The following LRP12 variants were observed in gnomAD, a reference collection of about 807,000 sequenced individuals.
The protein encoded by LRP12 is low-density lipoprotein receptor-related protein 12.
A neutral mutation model predicts 66.0 loss-of-function variants in LRP12; 14 were observed. That is an observed-to-expected ratio of 0.21 (90% CI 0.14 to 0.33). The LOEUF (loss-of-function observed/expected upper bound fraction) is 0.33. Ranked by LOEUF, LRP12 falls within the 10% of genes least tolerant of loss-of-function variation. The pLI is 1.00. For synonymous variants in LRP12, 357 were observed against 359.1 expected (o/e 0.99, Z 0.07); for missense variants, 889 against 1,053.4 (o/e 0.84, Z 2.16).
At chr8:104,515,815 G>A (rs995227528) in intron 2 of LRP12, among the ~76,000 whole-genome samples, 4 of 152,182 alleles carry the variant, frequency 2.6e-5, no homozygotes, top group Non-Finnish European at 5.9e-5. Context: ...GTATGTAGTT[G>A]TAAGTGATCT....
At chr8:104,546,070 T>C (rs1391635001) in intron 1 of LRP12, among the ~76,000 whole-genome samples, 1 of 152,150 alleles carries the variant, frequency 6.6e-6, no homozygotes, top group Non-Finnish European at 1.5e-5. Context: ...TTTTCTTTCT[T>C]GTTTCCCAGT....
chr8:104,514,545 T>TAAA (rs565370904), intron 2 of LRP12, among the ~76,000 whole-genome samples: 19 of 128,730 alleles, frequency 1.5e-4, no homozygotes, highest in African/African-American at 4.3e-4. Context: ...CGTCTCTACT[T>TAAA]AAAAAAAAAA....
intron 5 of LRP12, among the ~76,000 whole-genome samples, chr8:104,496,370 G>A (rs1302757715): frequency 6.6e-6 from 1 of 152,114 alleles, no homozygotes; most frequent in Non-Finnish European, 1.5e-5. Context: ...CTAGGTTATT[G>A]CTTTAACAAC....
At chr8:104,510,716 A>G (rs920890546) in intron 2 of LRP12, among the ~76,000 whole-genome samples, 1 of 152,192 alleles carries the variant, frequency 6.6e-6, no homozygotes, top group Non-Finnish European at 1.5e-5. Context: ...AGGGGTACAT[A>G]AACAGTTATC....
At chr8:104,496,860 C>T (rs1178817732) in intron 5 of LRP12, 112 bp downstream of exon 5, 1 of 1,030,704 alleles carries the variant, frequency 9.7e-7, no homozygotes, top group Non-Finnish European at 1.3e-6. Flanking sequence ...CAATCTTTAT[C>T]CATTTTCTAA....
chr8:104,509,156 C>A, intron 2 of LRP12, 82 bp from the exon 3 acceptor site: 5 of 1,320,068 alleles, frequency 3.8e-6, no homozygotes, highest in Non-Finnish European at 5.2e-6. Flanking sequence ...TTTTTAAAAA[C>A]CAAAAAACTT....
chr8:104,500,214 T>C (rs1810804226), intron 3 of LRP12, among the ~76,000 whole-genome samples: 1 of 152,192 alleles, frequency 6.6e-6, no homozygotes, highest in Non-Finnish European at 1.5e-5. Flanking sequence ...AAATACAGTT[T>C]TACAATATCT....
intron 2 of LRP12, among the ~76,000 whole-genome samples, chr8:104,518,220 T>C (rs1202259591): frequency 6.6e-6 from 1 of 152,102 alleles, no homozygotes; most frequent in Admixed American, 6.6e-5. Context: ...CAGCTGATGA[T>C]AATGTTATAA....
At chr8:104,514,052 C>T (rs1042231453) in intron 2 of LRP12, among the ~76,000 whole-genome samples, 4 of 152,200 alleles carry the variant, frequency 2.6e-5, no homozygotes, top group Non-Finnish European at 4.4e-5. Flanking sequence ...AAGAATACTA[C>T]AGGCGTTTTC....
chr8:104,577,000 A>G (rs1444173287), intron 1 of LRP12, among the ~76,000 whole-genome samples: 1 of 152,178 alleles, frequency 6.6e-6, no homozygotes, highest in African/African-American at 2.4e-5. Flanking sequence ...ACAAAGAAGA[A>G]CATTACATAA....
intron 1 of LRP12, among the ~76,000 whole-genome samples, chr8:104,549,038 G>A (rs74574600): frequency 0.044 from 6,620 of 152,106 alleles, 475 homozygotes; most frequent in African/African-American, 0.15. Flanking sequence ...CTGGATCCTG[G>A]AGTCATTCAT....
intron 1 of LRP12, among the ~76,000 whole-genome samples, chr8:104,567,759 T>C (rs183338023): frequency 4.5e-4 from 68 of 152,286 alleles, no homozygotes; most frequent in African/African-American, 1.6e-3. Flanking sequence ...CAAAACATTA[T>C]TGAAAGAGAT....
intron 1 of LRP12, among the ~76,000 whole-genome samples, chr8:104,581,298 G>A (rs1217996686): frequency 6.6e-6 from 1 of 152,114 alleles, no homozygotes; most frequent in Non-Finnish European, 1.5e-5. Context: ...AAGGTGGCGG[G>A]TGGGACAAAG....
chr8:104,493,633 G>C (rs982144624), intron 6 of LRP12, among the ~76,000 whole-genome samples: 2 of 152,226 alleles, frequency 1.3e-5, no homozygotes, highest in African/African-American at 4.8e-5. Context: ...GTCATGTAGG[G>C]TGAGGGCTTT....
chr8:104,588,661 C>T (rs563974326), intron 1 of LRP12, among the ~76,000 whole-genome samples, 158 bp downstream of exon 1: 94 of 152,182 alleles, frequency 6.2e-4, no homozygotes, highest in Non-Finnish European at 7.6e-4. Flanking sequence ...CGTGTGGGGA[C>T]ACCCGTTCCG....
In LRP12 at chr8:104,563,198, C is replaced by T. The variant is rs141423111; in HGVS notation, c.79+25621G>A. On this transcript the variant is annotated intron_variant, in intron 1 of 6. Transcript: ENST00000276654. ...CTTATTTGTAAAATGGAAATAGTAT[C>T]GAAGCTGATGTATGTATATGTATTT... 2.4e-3 allele frequency among the ~76,000 whole-genome samples: 360 copies of T among 152,174 alleles called. 2 individuals carry two copies. The highest frequency in any genetic ancestry group is 8.2e-3 in the African/African-American group (340 of 41,534).
At position 104,527,702 on chromosome 8, in the gene LRP12, G is replaced by A. The variant is rs189468740; in HGVS notation, c.136+4205C>T. Among the ~76,000 whole-genome samples, 5 of 152,182 alleles carry A rather than the reference G, an allele frequency of 3.3e-5. No homozygotes were observed. In the East Asian group the frequency reaches 9.7e-4, roughly 29 times the overall value. ...TGTTGTGGGGTAAGGGGAGCGAGGA[G>A]GGATAGCATTAGGAGATATATCTAA... On this transcript the variant is annotated intron_variant, in intron 2 of 6. Transcript: ENST00000276654.
At chr8:104,503,352 A>T (rs993074981) in intron 3 of LRP12, among the ~76,000 whole-genome samples, 54 of 150,570 alleles carry the variant, frequency 3.6e-4, no homozygotes, top group African/African-American at 1.3e-3. Flanking sequence ...AAAAAAAAAA[A>T]AAAAAAGATT....
At chr8:104,510,243 T>A (rs1315585774) in intron 2 of LRP12, among the ~76,000 whole-genome samples, 1 of 152,240 alleles carries the variant, frequency 6.6e-6, no homozygotes, top group African/African-American at 2.4e-5. Context: ...AGTGGATGAT[T>A]GAATAAAGAT....
Sources: gnomAD v4.1 joint callset for allele counts (sites outside exome capture counted in the v4.1 genomes callset) on GRCh38, gnomAD v4.1.1 for gene constraint, MANE v1.5 for transcripts, NCBI Gene and HGNC (gene_info 2026-07-23, HGNC 2026-07-21) for gene names.